KDM6B: variants seen among roughly 807,000 people sequenced by gnomAD.
KDM6B encodes the protein lysine-specific demethylase 6B.
In KDM6B, 22 loss-of-function variants were observed where a neutral mutation model predicts 150.4. The ratio of observed to expected loss-of-function variants is 0.15; its 90% confidence interval spans 0.10 to 0.21. KDM6B has a LOEUF of 0.21. Ranked by LOEUF, KDM6B falls within the 10% of genes least tolerant of loss-of-function variation. KDM6B has a pLI of 1.00. For synonymous variants in KDM6B, 1,148 were observed against 921.1 expected, an observed-to-expected ratio of 1.25 and a Z score of -4.46; for missense variants, 1,984 against 2,234.3, an observed-to-expected ratio of 0.89 and a Z score of 2.26.
rs745542486 is a variant in KDM6B, at chr17:7,847,686, C to G, written c.1398C>G (p.Ser466=). ...ACCTATCCCTGCCACCTGGACCTTC[C>G]TCACCCCCTCCACCCCCCTGTCCCC... ...TPHLSLPPGP[S]SPPPPPCPRL... is the part of the protein sequence containing the mutation. Residue 466 remains serine, a synonymous_variant, in exon 12 of 24, where the codon TCC becomes TCG. Coordinates refer to ENST00000448097, the MANE Select transcript of KDM6B (RefSeq NM_001348716.2). The G allele has an allele frequency of 6.3e-7, 1 of 1,576,872 alleles. No homozygotes were observed. Among genetic ancestry groups the G allele is most frequent in the South Asian group, 1.1e-5 (1 of 87,554 alleles).
At position 7,843,967 on chromosome 17, in the gene KDM6B, A is replaced by G. The variant is rs2078473913; in HGVS notation, c.-268-934A>G. Among the ~76,000 whole-genome samples the G allele has an allele frequency of 1.3e-5, 2 of 151,324 alleles. No homozygotes were observed. On this transcript the variant is annotated intron_variant, in intron 2 of 23. Coordinates refer to ENST00000448097, the MANE Select transcript of KDM6B (RefSeq NM_001348716.2). This position sits in a 1 kb window ranked among gnomAD's most constrained non-coding sequence, Gnocchi z 4.5. ...GGGGCGTGAAGGAGGAAGTGAAACGAGTTCTGGGTTCTTTAAGGGAGTGGG... is the reference window on the plus strand; with the variant it reads ...GGGGCGTGAAGGAGGAAGTGAAACGGGTTCTGGGTTCTTTAAGGGAGTGGG...
intron 1 of KDM6B, among the ~76,000 whole-genome samples, chr17:7,838,919 C>A (rs1261064373): frequency 3.3e-5 from 5 of 152,098 alleles, no homozygotes; most frequent in Non-Finnish European, 7.4e-5. Context: ...GGGGCAGTGT[C>A]ATCAGCAGCC....
intron 1 of KDM6B, among the ~76,000 whole-genome samples, chr17:7,835,077 C>G (rs2078305761): frequency 6.6e-6 from 1 of 152,016 alleles, no homozygotes; most frequent in South Asian, 2.1e-4. Flanking sequence ...TAGCTGAAGC[C>G]CCCCGCCCCG....
intron 3 of KDM6B, 106 bp from the exon 4 acceptor site, chr17:7,845,208 C>T (rs1381312139): frequency 4.5e-6 from 2 of 443,908 alleles, no homozygotes; most frequent in South Asian, 2.1e-5. Context: ...AGGCCGGGCC[C>T]TTTGCACAAA....
chr17:7,844,993 G>GAAGTTC lies in KDM6B; in HGVS notation c.-176_-175insAAGTTC. 1.1e-5 allele frequency: 2 copies of GAAGTTC among 175,700 alleles called. No homozygotes were observed. Among genetic ancestry groups the GAAGTTC allele is most frequent in the South Asian group, 1.1e-4 (1 of 9,036 alleles). The allele number at this position is 175,700 out of a possible 1,614,324, so 10.9% of individuals were successfully genotyped here. A position where few individuals can be genotyped will look rare whatever the true frequency, so the allele number is the denominator to read the frequency against. The stretch of plus-strand genomic sequence containing the variant: ...CCAGATCTCTGGAGCTTGCCGACGC[G>GAAGTTC]GTGTGAGGACGCTCCCACGGAGGCC... On this transcript the variant is annotated 5_prime_UTR_variant, in exon 3 of 24. Coordinates refer to ENST00000448097, the MANE Select transcript of KDM6B (RefSeq NM_001348716.2). This position sits in a 1 kb window ranked among gnomAD's most constrained non-coding sequence, Gnocchi z 5.9.
Position 7,847,634 on chromosome 17 carries a change from T to G in KDM6B, c.1346T>G (p.Phe449Cys). The change falls in exon 12 of 24, where the codon TTC becomes TGC. Residue 449 changes from phenylalanine (F) to cysteine (C), a missense_variant. Phe to Cys is a radical substitution (Grantham distance 205). Transcript: ENST00000448097. ...GPSAHSSRKP[F>C]LGAPAATPHL... ...TCGGCACACAGCAGTCGGAAACCGT[T>G]CTTGGGGGCTCCCGCTGCCACTCCC... is the stretch of plus-strand genomic sequence containing the variant. 1 of 1,611,056 alleles carries G rather than the reference T, an allele frequency of 6.2e-7. No individual in the cohort carries two copies. Among genetic ancestry groups the G allele is most frequent in the Non-Finnish European group, 8.5e-7 (1 of 1,179,440 alleles).
intron 1 of KDM6B, among the ~76,000 whole-genome samples, chr17:7,835,756 C>T (rs2078323692): frequency 6.6e-6 from 1 of 151,780 alleles, no homozygotes; most frequent in African/African-American, 2.4e-5. Context: ...CACCCCCCGC[C>T]CTGCGCCGCA....
intron 1 of KDM6B, among the ~76,000 whole-genome samples, chr17:7,838,566 C>G (rs886913149): frequency 7.8e-6 from 1 of 128,992 alleles, no homozygotes; most frequent in Admixed American, 8.0e-5. Context: ...TGGCTGTTAG[C>G]CCCTCCCCCA....
Position 7,845,547 on chromosome 17 carries a change from C to A in KDM6B, c.-5-3C>A. 6.2e-7 allele frequency: 1 copy of A among 1,614,142 alleles called. No individual in the cohort carries two copies. Among genetic ancestry groups the A allele is most frequent in the Non-Finnish European group, 8.5e-7 (1 of 1,180,030 alleles). On this transcript the variant is annotated splice_region_variant and splice_polypyrimidine_tract_variant and intron_variant, in intron 4 of 23. Coordinates refer to ENST00000448097, the MANE Select transcript of KDM6B (RefSeq NM_001348716.2). ...AGAGCATAATTTCTTATCCCCAACT[C>A]AGGCTGGATGCATCGGGCAGTGGAC...
intron 18 of KDM6B, 39 bp downstream of exon 18, chr17:7,851,835 G>C: frequency 6.4e-7 from 1 of 1,561,290 alleles, no homozygotes; most frequent in Non-Finnish European, 8.7e-7. Context: ...CTGGAAGCGC[G>C]AGAGGAGGGG....
Position 7,849,256 on chromosome 17 carries a change from T to C in KDM6B, c.2968T>C (p.Cys990Arg). The change falls in exon 12 of 24, where the codon TGT becomes CGT. Residue 990 changes from cysteine to arginine, a missense_variant. By Grantham distance (180) the Cys-to-Arg change is radical. This residue lies in a region of KDM6B where 1,379 missense variants were observed against 1,275.6 expected (regional missense o/e 1.08). Coordinates refer to ENST00000448097, the MANE Select transcript of KDM6B (RefSeq NM_001348716.2). ...GGAGCATCGGCGGCACAGGCGGGCC[T>C]GTAAGGACAGTGTGGGTCGTCGGCC... ...QKEHRRHRRA[C>R]KDSVGRRPRE... 1.3e-6 allele frequency: 2 copies of C among 1,560,322 alleles called. No homozygotes were observed. Among genetic ancestry groups the C allele is most frequent in the East Asian group, 2.4e-5 (1 of 41,454 alleles).
At position 7,846,278 on chromosome 17, in the gene KDM6B, G is replaced by A. The variant is rs748522794; in HGVS notation, c.437G>A (p.Arg146His). The A allele has an allele frequency of 2.4e-5, 39 of 1,612,886 alleles. No individual in the cohort carries two copies. The Admixed American group carries it at 3.7e-4, about 15-fold the overall frequency. ...YGGSFAELGP[R>H]IGRLQQAQLW... ...GGAAGCTTCGCTGAGCTGGGGCCCCGCATTGGCCGACTGCAGCAGGTAGGA... is the reference window on the plus strand; with the variant it reads ...GGAAGCTTCGCTGAGCTGGGGCCCCACATTGGCCGACTGCAGCAGGTAGGA... Residue 146 changes from arginine to histidine, a missense_variant, in exon 7 of 24, where the codon CGC (arginine) becomes CAC (histidine). By Grantham distance (29) the Arg-to-His change is conservative. Around this residue, in one of 13 missense-constraint regions of KDM6B, gnomAD observed 337 missense variants for 323.9 expected, o/e 1.04. Transcript: ENST00000448097.
intron 14 of KDM6B, 36 bp from the exon 15 acceptor site, chr17:7,850,985 C>T (rs1278051277): frequency 1.2e-5 from 19 of 1,548,830 alleles, no homozygotes; most frequent in Non-Finnish European, 5.3e-6. Context: ...TATCCTCTGC[C>T]TCTGCCCCGA....
chr17:7,849,153 C>G lies in KDM6B; in HGVS notation c.2865C>G (p.Pro955=), dbSNP rs149972132. ...ADSGTERLLP[P]AQAKEEAGGV... ...GTGGGACTGAGCGACTGCTGCCCCC[C>G]GCACAGGCCAAGGAGGAGGCTGGCG... The change falls in exon 12 of 24, where the codon CCC becomes CCG. Residue 955 remains proline, a synonymous_variant. Transcript: ENST00000448097. 3.1e-6 allele frequency: 5 copies of G among 1,611,562 alleles called. No homozygotes were observed. The highest frequency in any genetic ancestry group is 4.2e-6 in the Non-Finnish European group (5 of 1,179,490).
At position 7,848,447 on chromosome 17, in the gene KDM6B, C is replaced by G. The variant is rs759982400; in HGVS notation, c.2159C>G (p.Ala720Gly). 1.4e-5 allele frequency: 23 copies of G among 1,611,708 alleles called. No individual in the cohort carries two copies. Among genetic ancestry groups the G allele is most frequent in the Non-Finnish European group, 1.9e-5 (23 of 1,179,890 alleles). ...EEQQQHEAGV[A>G]PQPPLKEPFA... ...CAGCAACAACACGAAGCAGGCGTGG[C>G]CCCCCAACCCCCGCTGAAGGAGCCC... The change falls in exon 12 of 24, where the codon GCC becomes GGC. Residue 720 changes from alanine to glycine, a missense_variant. Transcript: ENST00000448097.
Position 7,846,932 on chromosome 17 carries a change from G to A in KDM6B, c.825G>A (p.Gln275=). The A allele has an allele frequency of 7.4e-7, 1 of 1,346,344 alleles. No individual in the cohort carries two copies. The highest frequency in any genetic ancestry group is 1.8e-5 in the African/African-American group (1 of 54,628). The allele number at this position is 1,346,344 out of a possible 1,614,324, so 83.4% of individuals were successfully genotyped here. A position where few individuals can be genotyped will look rare whatever the true frequency, so the allele number is the denominator to read the frequency against. Residue 275 remains glutamine (Q), a synonymous_variant, in exon 10 of 24, where the codon CAG becomes CAA. Coordinates refer to ENST00000448097, the MANE Select transcript of KDM6B (RefSeq NM_001348716.2). ...LPGLATSPPF[Q]LTKPGLWSTL... is the part of the protein sequence containing the mutation. ...GCCTGGCTACCAGCCCCCCATTTCA[G>A]CTAACCAAGCCAGGGCTGTGGAGTA...
chr17:7,839,622 C>A (rs9910131), intron 1 of KDM6B, among the ~76,000 whole-genome samples: 1 of 152,078 alleles, frequency 6.6e-6, no homozygotes, highest in Admixed American at 6.6e-5. Context: ...CAGGGAGTCT[C>A]AGCAGGAGCG....
In KDM6B at chr17:7,848,573, C is replaced by T. The variant is rs759879792; in HGVS notation, c.2285C>T (p.Thr762Met). ...ACCACCACCACCACCACCACCACCA[C>T]GGCCACCCAGGAAGAGGAGAAGAAG... The part of the protein sequence containing the change: ...TTTTTTTTTT[T>M]ATQEEEKKPP... Residue 762 changes from threonine to methionine, a missense_variant, in exon 12 of 24, where the codon ACG (threonine) becomes ATG (methionine). Physicochemically the swap from Thr to Met is moderately conservative, Grantham distance 81 (BLOSUM62 -1). Coordinates refer to ENST00000448097, the MANE Select transcript of KDM6B (RefSeq NM_001348716.2). 50 of 1,605,944 alleles carry T rather than the reference C, an allele frequency of 3.1e-5. No individual in the cohort carries two copies. The highest frequency in any genetic ancestry group is 1.6e-4 in the East Asian group (7 of 44,466).
chr17:7,851,885 G>A (rs1219486138), intron 18 of KDM6B, 66 bp from the exon 19 acceptor site: 3 of 1,594,478 alleles, frequency 1.9e-6, no homozygotes, highest in East Asian at 2.3e-5. Flanking sequence ...GAGGGCAGAG[G>A]GCGGGGCTAT....
Sources: gnomAD v4.1 joint callset for allele counts (sites outside exome capture counted in the v4.1 genomes callset) on GRCh38, gnomAD v4.1.1 for gene constraint, gnomAD v4.1.1 regional missense constraint, Gnocchi (gnomAD v3.1) non-coding constraint, MANE v1.5 for transcripts, NCBI Gene and HGNC (gene_info 2026-07-23, HGNC 2026-07-21) for gene names.